The following CLCA1 variants were observed in gnomAD, a reference collection of about 807,000 sequenced individuals.
CLCA1 encodes the protein chloride channel accessory 1.
A neutral mutation model predicts 85.6 loss-of-function variants in CLCA1; 59 were observed. That is an observed-to-expected ratio of 0.69 (90% CI 0.56 to 0.86). The LOEUF is 0.86. CLCA1 is among the 40% of genes least tolerant of loss of function. The probability of loss-of-function intolerance (pLI) is 0.00; values close to 1 mark genes in which losing one functional copy is unlikely to be tolerated. For missense variants in CLCA1, 1,022 were observed against 1,101.4 expected (o/e 0.93, Z 1.02); for synonymous variants, 396 against 398.3 (o/e 0.99, Z 0.07).
At chr1:86,492,532 G>T (rs1467654849) in intron 9 of CLCA1, among the ~76,000 whole-genome samples, 6 of 152,208 alleles carry the variant, frequency 3.9e-5, no homozygotes, top group East Asian at 1.9e-4. Context: ...TTGCCAGCTT[G>T]TGATCTACCT....
chr1:86,476,993 T>C (rs1647691283), intron 4 of CLCA1, among the ~76,000 whole-genome samples: 1 of 152,244 alleles, frequency 6.6e-6, no homozygotes, highest in Non-Finnish European at 1.5e-5. Flanking sequence ...CACTCCAGCC[T>C]CAGCCTCCCG....
chr1:86,497,334 G>A (rs1302334507), intron 12 of CLCA1, among the ~76,000 whole-genome samples: 1 of 152,162 alleles, frequency 6.6e-6, no homozygotes, highest in Non-Finnish European at 1.5e-5. Context: ...TCTTTGCCAA[G>A]ACCAGATTAA....
rs772983857 is a variant in CLCA1, at chr1:86,491,327, G to T, written c.1420G>T (p.Ala474Ser). 6.2e-7 allele frequency: 1 copy of T among 1,613,488 alleles called. No homozygotes were observed. Among genetic ancestry groups the T allele is most frequent in the African/African-American group, 1.3e-5 (1 of 74,910 alleles). Residue 474 changes from alanine to serine, a missense_variant, in exon 9 of 14, where the codon GCC (alanine) becomes TCC (serine). Transcript: ENST00000394711. ...CAATGGCCTCATTGATGCTTTTGGG[G>T]CCCTTTCATCAGGAAATGGAGCTGT... ...QNNGLIDAFG[A>S]LSSGNGAVSQ...
chr1:86,488,318 C>T (rs1022589036), intron 7 of CLCA1, among the ~76,000 whole-genome samples: 3 of 152,104 alleles, frequency 2.0e-5, no homozygotes, highest in Non-Finnish European at 4.4e-5. Flanking sequence ...ATTTTCCTCC[C>T]GTCCTAATCT....
intron 4 of CLCA1, among the ~76,000 whole-genome samples, chr1:86,477,436 G>A (rs938647945): frequency 2.6e-5 from 4 of 152,212 alleles, no homozygotes; most frequent in African/African-American, 4.8e-5. Flanking sequence ...TGGAAAGAAC[G>A]CTTGGCTGCC....
chr1:86,497,011 AG>A (rs1648309224), intron 12 of CLCA1, among the ~76,000 whole-genome samples: 1 of 152,236 alleles, frequency 6.6e-6, no homozygotes, highest in South Asian at 2.1e-4. Context: ...TACAGGCGTA[AG>A]CCACCGTGCC....
At chr1:86,482,141 G>C (rs756363969) in intron 4 of CLCA1, 64 bp from the exon 5 acceptor site, 411 of 1,255,332 alleles carry the variant, frequency 3.3e-4, no homozygotes, top group Non-Finnish European at 4.5e-4. Context: ...CAGAAACTGA[G>C]CATAGACTCT....
intron 1 of CLCA1, among the ~76,000 whole-genome samples, chr1:86,471,509 C>A (rs1361817566): frequency 6.6e-6 from 1 of 152,094 alleles, no homozygotes; most frequent in Non-Finnish European, 1.5e-5. Flanking sequence ...GTTTCTATTA[C>A]AATGTGGAAG....
intron 7 of CLCA1, among the ~76,000 whole-genome samples, chr1:86,487,576 G>A (rs1648017067): frequency 6.6e-6 from 1 of 152,158 alleles, no homozygotes. Flanking sequence ...CCCTGCTGCA[G>A]GCCCTGGTCA....
chr1:86,474,549 G>A (rs1245576267), intron 3 of CLCA1, among the ~76,000 whole-genome samples: 2 of 130,548 alleles, frequency 1.5e-5, no homozygotes, highest in Admixed American at 1.5e-4. Flanking sequence ...GCGAGACTCC[G>A]TATCAAAAAA....
rs145658475 is a variant in CLCA1, at chr1:86,488,190, G to C, written c.1183-806G>C. 9.2e-5 allele frequency among the ~76,000 whole-genome samples: 14 copies of C among 152,310 alleles called. No homozygotes were observed. In the East Asian group the frequency reaches 2.7e-3, roughly 29 times the overall value. On this transcript the variant is annotated intron_variant, in intron 7 of 13. Coordinates refer to ENST00000394711, the MANE Select transcript of CLCA1 (RefSeq NM_001285.4). Reference sequence around the variant, plus strand: ...TTCTTATCTGAGATTCTAGGCCACAGATGCTTAGGCTTGATTTCTTGTTTC... The same window carrying C: ...TTCTTATCTGAGATTCTAGGCCACACATGCTTAGGCTTGATTTCTTGTTTC...
At chr1:86,485,683 T>C in intron 6 of CLCA1, 122 bp downstream of exon 6, 1 of 838,916 alleles carries the variant, frequency 1.2e-6, no homozygotes, top group Non-Finnish European at 1.9e-6. Context: ...AACTGTAACA[T>C]TGTCTTCAGA....
At chr1:86,478,375 C>T (rs1441460178) in intron 4 of CLCA1, among the ~76,000 whole-genome samples, 2 of 151,398 alleles carry the variant, frequency 1.3e-5, no homozygotes, top group Non-Finnish European at 2.9e-5. Context: ...TGCAGTGAGC[C>T]GAGATCACAC....
chr1:86,480,216 C>T (rs890080081), intron 4 of CLCA1, among the ~76,000 whole-genome samples: 3 of 151,846 alleles, frequency 2.0e-5, no homozygotes, highest in African/African-American at 7.3e-5. Flanking sequence ...TTTTGTTGCA[C>T]ACAAACCAAA....
intron 9 of CLCA1, 105 bp from the exon 10 acceptor site, chr1:86,493,279 A>G: frequency 1.3e-6 from 1 of 797,766 alleles, no homozygotes; most frequent in South Asian, 1.6e-5. Context: ...TTCAGGCATC[A>G]CTGAAGTCTT....
chr1:86,482,816 T>C (rs1252464799), intron 5 of CLCA1, among the ~76,000 whole-genome samples: 1 of 152,254 alleles, frequency 6.6e-6, no homozygotes, highest in Non-Finnish European at 1.5e-5. Context: ...ATTTTCTATC[T>C]TTTTAAGAGT....
chr1:86,469,078 T>C lies in CLCA1; in HGVS notation c.107T>C (p.Val36Ala), dbSNP rs1206133474. Reference sequence around the variant, plus strand: ...AACAACAATGGCTATGAAGGCATTGTCGTTGCAATCGACCCCAATGTGCCA... The same window carrying C: ...AACAACAATGGCTATGAAGGCATTGCCGTTGCAATCGACCCCAATGTGCCA... ...QLNNNGYEGI[V>A]VAIDPNVPED... Residue 36 changes from valine (V) to alanine (A), a missense_variant, in exon 1 of 14, where the codon GTC (valine) becomes GCC (alanine). Transcript: ENST00000394711. The C allele has an allele frequency of 5.0e-6, 8 of 1,612,642 alleles. No individual in the cohort carries two copies. Among genetic ancestry groups the C allele is most frequent in the Non-Finnish European group, 5.1e-6 (6 of 1,179,176 alleles).
intron 3 of CLCA1, among the ~76,000 whole-genome samples, chr1:86,474,517 G>A (rs1208599142): frequency 1.3e-5 from 2 of 150,298 alleles, no homozygotes; most frequent in African/African-American, 4.9e-5. Flanking sequence ...TCGCGCCACT[G>A]CACTCCAGCC....
At chr1:86,475,280 C>A (rs1647611666) in intron 3 of CLCA1, among the ~76,000 whole-genome samples, 1 of 152,204 alleles carries the variant, frequency 6.6e-6, no homozygotes. Context: ...AGAATAAAGT[C>A]CCAATCCTTA....
Sources: gnomAD v4.1 joint callset for allele counts (sites outside exome capture counted in the v4.1 genomes callset) on GRCh38, gnomAD v4.1.1 for gene constraint, MANE v1.5 for transcripts, NCBI Gene and HGNC (gene_info 2026-07-23, HGNC 2026-07-21) for gene names.